CYB5D1: variants seen among roughly 807,000 people sequenced by gnomAD.
CYB5D1 encodes cytochrome b5 domain containing 1.
A neutral mutation model predicts 24.3 loss-of-function variants in CYB5D1; 30 were observed. The observed-to-expected ratio is 1.23, with a 90% CI of 0.92 to 1.67. The LOEUF is 1.67. Ranked by LOEUF, CYB5D1 falls within the 40% of genes most tolerant of loss-of-function variation. The pLI, the probability that CYB5D1 is intolerant of heterozygous loss-of-function variation, is 0.00. For synonymous variants in CYB5D1, 128 were observed against 123.2 expected, an observed-to-expected ratio of 1.04 and a Z score of -0.26; for missense variants, 265 against 296.7, an observed-to-expected ratio of 0.89 and a Z score of 0.79.
Position 7,858,130 on chromosome 17 carries a change from G to C in CYB5D1, c.-5G>C. The C allele has an allele frequency of 1.2e-6, 2 of 1,613,300 alleles. No individual in the cohort carries two copies. The highest frequency in any genetic ancestry group is 1.7e-6 in the Non-Finnish European group (2 of 1,179,878). On this transcript the variant is annotated 5_prime_UTR_variant, in exon 1 of 4. Coordinates refer to ENST00000332439, the MANE Select transcript of CYB5D1 (RefSeq NM_144607.6). Reference sequence around the variant, plus strand: ...AGAGATCCAGTGACCGACAGAGCAAGAGCCATGCCGCGCCGGGGCCTGGTG... The same window carrying C: ...AGAGATCCAGTGACCGACAGAGCAACAGCCATGCCGCGCCGGGGCCTGGTG...
rs1424771609 is a variant in CYB5D1, at chr17:7,860,295, G to C, written c.*683G>C. The C allele has an allele frequency of 6.6e-6, 1 of 152,074 alleles. No individual in the cohort carries two copies. The highest frequency in any genetic ancestry group is 1.9e-4 in the East Asian group (1 of 5,176). 9.4% of individuals were successfully genotyped at this position (152,074 alleles called of 1,614,324 possible). ...CTGCCTTGAGTAGCTGGGACTTCAG[G>C]TGCACGCCACAATGCCTAATTTTTT... On this transcript the variant is annotated 3_prime_UTR_variant, in exon 4 of 4. Coordinates refer to ENST00000332439, the MANE Select transcript of CYB5D1 (RefSeq NM_144607.6).
At position 7,859,672 on chromosome 17, in the gene CYB5D1, C is replaced by T; in HGVS notation, c.*60C>T. 6 of 1,537,684 alleles carry T rather than the reference C, an allele frequency of 3.9e-6. No individual in the cohort carries two copies. The South Asian group carries it at 5.6e-5, about 14-fold the overall frequency. ...TATTTCGAGTTTGGCTTTTTCTGTG[C>T]CTTGAGGAAAAGTGGTGGGGCCGAG... is the stretch of plus-strand genomic sequence containing the variant. On this transcript the variant is annotated 3_prime_UTR_variant, in exon 4 of 4. Transcript: ENST00000332439.
chr17:7,859,263 T>C (rs1301810822), intron 3 of CYB5D1, 119 bp from the exon 4 acceptor site: 6 of 756,274 alleles, frequency 7.9e-6, no homozygotes, highest in Middle Eastern at 3.7e-4. Flanking sequence ...AGCTTTTTTT[T>C]CCCGGGGCCG....
At position 7,861,903 on chromosome 17, in the gene CYB5D1, C is replaced by T. The variant is rs552096803; in HGVS notation, c.*2291C>T. 8 of 152,236 alleles carry T rather than the reference C, an allele frequency of 5.3e-5. No homozygotes were observed. Among genetic ancestry groups the T allele is most frequent in the South Asian group, 2.1e-4 (1 of 4,830 alleles). 9.4% of individuals were successfully genotyped at this position (152,236 alleles called of 1,614,324 possible). A position where few individuals can be genotyped will look rare whatever the true frequency, so the allele number is the denominator to read the frequency against. ...GATCTTGTATAAATCAGGCTCATCTCGCAACACCCCTCTTTGTTCTCTATG... is the reference window on the plus strand; with the variant it reads ...GATCTTGTATAAATCAGGCTCATCTTGCAACACCCCTCTTTGTTCTCTATG... On this transcript the variant is annotated 3_prime_UTR_variant, in exon 4 of 4. Transcript: ENST00000332439.
At position 7,858,755 on chromosome 17, in the gene CYB5D1, G is replaced by T. The variant is rs768788348; in HGVS notation, c.387G>T (p.Gly129=). 6.3e-7 allele frequency: 1 copy of T among 1,597,950 alleles called. No individual in the cohort carries two copies. Among genetic ancestry groups the T allele is most frequent in the Non-Finnish European group, 8.5e-7 (1 of 1,171,748 alleles). Reference sequence around the variant, plus strand: ...GGCAGGGGTCGTATTATGAGGTGGGGCGGCTGTCTGCCAAGACCCGGAGCA... The same window carrying T: ...GGCAGGGGTCGTATTATGAGGTGGGTCGGCTGTCTGCCAAGACCCGGAGCA... ...PWWQGSYYEV[G]RLSAKTRSIR... is the part of the protein sequence containing the mutation. Residue 129 remains glycine, a synonymous_variant, in exon 3 of 4, where the codon GGG becomes GGT. Transcript: ENST00000332439.
chr17:7,858,663 C>T lies in CYB5D1; in HGVS notation c.295C>T (p.Arg99Cys), dbSNP rs1318585336. The T allele has an allele frequency of 1.2e-6, 2 of 1,610,078 alleles. No homozygotes were observed. The highest frequency in any genetic ancestry group is 1.7e-6 in the Non-Finnish European group (2 of 1,177,576). ...CCTGAGGTACTGCACCCCGCGGGGC[C>T]GCTTTGTGCACGTTCCGCCTCAGCT... ...GCLRYCTPRGRFVHVPPQLPC... is the reference protein window; with the variant it reads ...GCLRYCTPRGCFVHVPPQLPC... The change falls in exon 3 of 4, where the codon CGC becomes TGC. Residue 99 changes from arginine (R) to cysteine (C), a missense_variant. Physicochemically the swap from Arg to Cys is radical, Grantham distance 180. Coordinates refer to ENST00000332439, the MANE Select transcript of CYB5D1 (RefSeq NM_144607.6).
chr17:7,859,627 A>G lies in CYB5D1; in HGVS notation c.*15A>G. 2 of 1,609,388 alleles carry G rather than the reference A, an allele frequency of 1.2e-6. No homozygotes were observed. The highest frequency in any genetic ancestry group is 2.2e-5 in the East Asian group (1 of 44,836). On this transcript the variant is annotated 3_prime_UTR_variant, in exon 4 of 4. Transcript: ENST00000332439. Reference sequence around the variant, plus strand: ...CGGAGTTGTAGGCAAGGAGATGTACACTCGTGTAGACTCAAGACGTATTTC... The same window carrying G: ...CGGAGTTGTAGGCAAGGAGATGTACGCTCGTGTAGACTCAAGACGTATTTC...
intron 3 of CYB5D1, 83 bp from the exon 4 acceptor site, chr17:7,859,299 C>T: frequency 1.8e-6 from 2 of 1,140,348 alleles, no homozygotes; most frequent in Non-Finnish European, 2.6e-6. Context: ...TGCTATCTGC[C>T]AAGGGAGGCA....
In CYB5D1 at chr17:7,858,691, C is replaced by T. The variant is rs1363391436; in HGVS notation, c.323C>T (p.Pro108Leu). 4.3e-6 allele frequency: 7 copies of T among 1,611,360 alleles called. No homozygotes were observed. Among genetic ancestry groups the T allele is most frequent in the Middle Eastern group, 1.6e-4 (1 of 6,072 alleles). The change falls in exon 3 of 4, where the codon CCC becomes CTC. Residue 108 changes from proline to leucine, a missense_variant. Transcript: ENST00000332439. The part of the protein sequence containing the change: ...GRFVHVPPQL[P>L]CSDWANDFGK... ...TTTGTGCACGTTCCGCCTCAGCTGCCCTGTTCGGACTGGGCCAACGATTTT... is the reference window on the plus strand; with the variant it reads ...TTTGTGCACGTTCCGCCTCAGCTGCTCTGTTCGGACTGGGCCAACGATTTT...
Position 7,858,654 on chromosome 17 carries a change from C to A in CYB5D1, c.286C>A (p.Pro96Thr). ...GACCGGCTGCCTGAGGTACTGCACC[C>A]CGCGGGGCCGCTTTGTGCACGTTCC... The part of the protein sequence containing the change: ...PLTGCLRYCT[P>T]RGRFVHVPPQ... The change falls in exon 3 of 4, where the codon CCG becomes ACG. Residue 96 changes from proline (P) to threonine (T), a missense_variant. Transcript: ENST00000332439. 6.2e-7 allele frequency: 1 copy of A among 1,609,054 alleles called. No individual in the cohort carries two copies. The highest frequency in any genetic ancestry group is 8.5e-7 in the Non-Finnish European group (1 of 1,176,974).
chr17:7,858,207 G>A lies in CYB5D1; in HGVS notation c.73G>A (p.Val25Met), dbSNP rs777278386. The change falls in exon 1 of 4, where the codon GTG (valine) becomes ATG (methionine). Residue 25 changes from valine (V) to methionine (M), a missense_variant. Val to Met is a conservative substitution (Grantham distance 21). Transcript: ENST00000332439. ...GCGTCGCTATTTCACGCCGGCGGAG[G>A]TGGCCCAACATAACAGGCCCGAAGA... ...FQRRYFTPAEVAQHNRPEDLW... is the reference protein window; with the variant it reads ...FQRRYFTPAEMAQHNRPEDLW... 3 of 1,613,846 alleles carry A rather than the reference G, an allele frequency of 1.9e-6. No individual in the cohort carries two copies. Among genetic ancestry groups the A allele is most frequent in the African/African-American group, 1.3e-5 (1 of 74,908 alleles).
chr17:7,859,620 G>T lies in CYB5D1; in HGVS notation c.*8G>T, dbSNP rs762618282. 9 of 1,612,820 alleles carry T rather than the reference G, an allele frequency of 5.6e-6. No individual in the cohort carries two copies. On this transcript the variant is annotated 3_prime_UTR_variant, in exon 4 of 4. Coordinates refer to ENST00000332439, the MANE Select transcript of CYB5D1 (RefSeq NM_144607.6). ...GATCTCACGGAGTTGTAGGCAAGGA[G>T]ATGTACACTCGTGTAGACTCAAGAC...
At position 7,858,835 on chromosome 17, in the gene CYB5D1, G is replaced by C. The variant is rs781331370; in HGVS notation, c.456+11G>C. The C allele has an allele frequency of 2.4e-5, 37 of 1,524,098 alleles. No individual in the cohort carries two copies. Among genetic ancestry groups the C allele is most frequent in the Non-Finnish European group, 2.7e-5 (31 of 1,135,400 alleles). 94.4% of individuals were successfully genotyped at this position (1,524,098 alleles called of 1,614,324 possible). On this transcript the variant is annotated intron_variant, in intron 3 of 3. Coordinates refer to ENST00000332439, the MANE Select transcript of CYB5D1 (RefSeq NM_144607.6). ...GAGCACACACTGGAGGTGAGAACTG[G>C]TGACAAGGAGCAGGTTAGAAGGAAT...
At position 7,858,101 on chromosome 17, in the gene CYB5D1, A is replaced by G; in HGVS notation, c.-34A>G. 1 of 1,611,578 alleles carries G rather than the reference A, an allele frequency of 6.2e-7. No individual in the cohort carries two copies. The highest frequency in any genetic ancestry group is 8.5e-7 in the Non-Finnish European group (1 of 1,179,576). ...GTACGTGCTGAGGAGCAAAGGAGTA[A>G]CCAAGAGATCCAGTGACCGACAGAG... On this transcript the variant is annotated 5_prime_UTR_variant, in exon 1 of 4. Coordinates refer to ENST00000332439, the MANE Select transcript of CYB5D1 (RefSeq NM_144607.6).
At position 7,859,707 on chromosome 17, in the gene CYB5D1, G is replaced by A. The variant is rs1419973936; in HGVS notation, c.*95G>A. The A allele has an allele frequency of 1.0e-5, 11 of 1,086,070 alleles. No homozygotes were observed. Among genetic ancestry groups the A allele is most frequent in the Non-Finnish European group, 1.5e-5 (11 of 725,424 alleles). 67.3% of individuals were successfully genotyped at this position (1,086,070 alleles called of 1,614,324 possible). On this transcript the variant is annotated 3_prime_UTR_variant, in exon 4 of 4. Coordinates refer to ENST00000332439, the MANE Select transcript of CYB5D1 (RefSeq NM_144607.6). Reference sequence around the variant, plus strand: ...AAGTGGTGGGGCCGAGGGGTGCCTGGACCCAGATCTCCACTCCTCTCCAGG... The same window carrying A: ...AAGTGGTGGGGCCGAGGGGTGCCTGAACCCAGATCTCCACTCCTCTCCAGG...
intron 3 of CYB5D1, 182 bp from the exon 4 acceptor site, chr17:7,859,195 GTGGCT>G: frequency 1.6e-6 from 1 of 608,104 alleles, no homozygotes; most frequent in Non-Finnish European, 2.9e-6. Flanking sequence ...GTAGTTAGAA[GTGGCT>G]GCCATTAAGA....
intron 3 of CYB5D1, chr17:7,859,057 A>C: frequency 1.8e-6 from 1 of 571,066 alleles, no homozygotes; most frequent in South Asian, 2.3e-5. Context: ...ACAGCAGTTC[A>C]TGTATCTTAG....
intron 1 of CYB5D1, 23 bp downstream of exon 1, chr17:7,858,317 G>T (rs556825543): frequency 1.2e-6 from 2 of 1,613,928 alleles, no homozygotes; most frequent in African/African-American, 2.7e-5. Context: ...CGTTGGGCCG[G>T]GGCCGGAGTG....
In CYB5D1 at chr17:7,858,683, T is replaced by C; in HGVS notation, c.315T>C (p.Pro105=). The C allele has an allele frequency of 6.2e-7, 1 of 1,611,286 alleles. No individual in the cohort carries two copies. Among genetic ancestry groups the C allele is most frequent in the South Asian group, 1.1e-5 (1 of 90,816 alleles). ...TPRGRFVHVP[P]QLPCSDWAND... ...GGGGCCGCTTTGTGCACGTTCCGCC[T>C]CAGCTGCCCTGTTCGGACTGGGCCA... Residue 105 remains proline, a synonymous_variant, in exon 3 of 4, where the codon CCT becomes CCC. Transcript: ENST00000332439.
Sources: allele counts gnomAD v4.1 joint callset, GRCh38; gene constraint gnomAD v4.1.1; transcripts MANE v1.5; gene names NCBI Gene and HGNC (gene_info 2026-07-23, HGNC 2026-07-21).